Variants in IL18RAP observed in about 807,000 individuals in gnomAD.
IL18RAP encodes interleukin-18 receptor accessory protein.
IL18RAP carries 37 observed loss-of-function variants against 58.1 expected under a neutral mutation model. The ratio of observed to expected loss-of-function variants is 0.64; its 90% CI spans 0.49 to 0.84. The LOEUF is 0.84. Ranked by LOEUF, IL18RAP falls within the 40% of genes least tolerant of loss-of-function variation. The pLI, the probability that IL18RAP is intolerant of heterozygous loss-of-function variation, is 0.00. For synonymous variants in IL18RAP, 268 were observed against 257.5 expected (o/e 1.04, Z -0.39); for missense variants, 667 against 704.8 (o/e 0.95, Z 0.61).
In IL18RAP at chr2:102,423,353, G is replaced by T. The variant is rs764351707; in HGVS notation, c.70+6G>T. 6.2e-7 allele frequency: 1 copy of T among 1,612,738 alleles called. No homozygotes were observed. The highest frequency in any genetic ancestry group is 8.5e-7 in the Non-Finnish European group (1 of 1,178,792). On this transcript the variant is annotated splice_donor_region_variant and intron_variant, in intron 1 of 9. Transcript: ENST00000687160. ...TAAAGGATTTAATATTTCAGGTAGGGGTTTTCACTTTTCATGTTAGCACTG... is the reference window on the plus strand; with the variant it reads ...TAAAGGATTTAATATTTCAGGTAGGTGTTTTCACTTTTCATGTTAGCACTG...
upstream of IL18RAP, among the ~76,000 whole-genome samples, chr2:102,420,179 T>C (rs1482060107): frequency 2.0e-5 from 3 of 152,192 alleles, no homozygotes. Flanking sequence ...GTCAGTTGCC[T>C]ACAATGCTGG....
chr2:102,437,762 T>C (rs936913258), intron 4 of IL18RAP, among the ~76,000 whole-genome samples: 1 of 152,180 alleles, frequency 6.6e-6, no homozygotes, highest in Non-Finnish European at 1.5e-5. Flanking sequence ...CAACTTGAGG[T>C]CTATGACCCC....
At chr2:102,440,122 T>C (rs1313549016) in intron 4 of IL18RAP, 1 of 152,166 alleles carries the variant, frequency 6.6e-6, no homozygotes, top group Non-Finnish European at 1.5e-5. Flanking sequence ...AGACCTTTCA[T>C]AGGGAAGAGG....
chr2:102,448,577 G>A (rs1217286578), intron 8 of IL18RAP, among the ~76,000 whole-genome samples: 1 of 152,140 alleles, frequency 6.6e-6, no homozygotes, highest in Admixed American at 6.5e-5. Context: ...TTACCTTACT[G>A]AGAGGCCCCT....
In IL18RAP at chr2:102,430,264, T is replaced by C. The variant is rs139676477; in HGVS notation, c.579+5850T>C. On this transcript the variant is annotated intron_variant, in intron 3 of 9. Transcript: ENST00000687160. ...ATGTTGGGTGCCTATGTATCTACAA[T>C]TGTTATATCCTCTTAGTGAATGGAC... Among the ~76,000 whole-genome samples the C allele has an allele frequency of 2.0e-3, 312 of 152,196 alleles. 2 individuals carry two copies. Among genetic ancestry groups the C allele is most frequent in the African/African-American group, 7.1e-3 (296 of 41,576 alleles).
chr2:102,449,110 A>G (rs1165101399), intron 8 of IL18RAP, among the ~76,000 whole-genome samples: 2 of 151,936 alleles, frequency 1.3e-5, no homozygotes, highest in African/African-American at 2.4e-5. Flanking sequence ...CTTACTAAAA[A>G]TACAAAATGT....
intron 4 of IL18RAP, chr2:102,439,422 G>A (rs886119297): frequency 6.6e-6 from 1 of 152,648 alleles, no homozygotes; most frequent in African/African-American, 2.4e-5. Flanking sequence ...AGGGAAAGCA[G>A]GAGCCATGGA....
At chr2:102,420,039 C>T (rs761445656), upstream of IL18RAP, among the ~76,000 whole-genome samples, 4 of 152,154 alleles carry the variant, frequency 2.6e-5, no homozygotes, top group Non-Finnish European at 4.4e-5. Flanking sequence ...ATTTTAGTGA[C>T]GGCAGCATGG....
intron 4 of IL18RAP, among the ~76,000 whole-genome samples, chr2:102,441,021 G>A (rs1232849796): frequency 2.6e-5 from 4 of 152,170 alleles, no homozygotes; most frequent in Admixed American, 2.6e-4. Context: ...GACAGGGATA[G>A]GAGCTCAGGT....
chr2:102,446,314 T>C (rs1683410582), intron 7 of IL18RAP, among the ~76,000 whole-genome samples: 1 of 152,020 alleles, frequency 6.6e-6, no homozygotes, highest in African/African-American at 2.4e-5. Flanking sequence ...TTTTAATAGG[T>C]TTTGGGGGTA....
At chr2:102,421,494 G>A (rs536551869), upstream of IL18RAP, among the ~76,000 whole-genome samples, 40 of 152,278 alleles carry the variant, frequency 2.6e-4, no homozygotes, top group Non-Finnish European at 4.4e-4. Flanking sequence ...TGGAGTTGGA[G>A]GACTGTTCTT....
upstream of IL18RAP, among the ~76,000 whole-genome samples, chr2:102,422,481 C>T (rs1408339102): frequency 6.6e-6 from 1 of 152,204 alleles, no homozygotes; most frequent in Non-Finnish European, 1.5e-5. Flanking sequence ...AGACCCTGCT[C>T]TGAGCCATAT....
chr2:102,421,062 C>A (rs1489339874), upstream of IL18RAP, among the ~76,000 whole-genome samples: 1 of 152,162 alleles, frequency 6.6e-6, no homozygotes, highest in Admixed American at 6.6e-5. Flanking sequence ...ATGGTTAAAT[C>A]CTGAACAAGT....
chr2:102,448,979 A>G (rs1202751215), intron 8 of IL18RAP, among the ~76,000 whole-genome samples: 2 of 148,838 alleles, frequency 1.3e-5, no homozygotes, highest in Middle Eastern at 6.7e-3. Flanking sequence ...AAAAAAAAAA[A>G]AAAAAGTGAC....
At chr2:102,422,716 G>A (rs1343949994), upstream of IL18RAP, among the ~76,000 whole-genome samples, 3 of 152,172 alleles carry the variant, frequency 2.0e-5, no homozygotes, top group Admixed American at 6.5e-5. Context: ...GTGGGGCAGG[G>A]AGAGGTAGGT....
intron 8 of IL18RAP, 63 bp from the exon 9 acceptor site, chr2:102,450,785 G>T: frequency 1.9e-6 from 2 of 1,038,310 alleles, no homozygotes; most frequent in South Asian, 3.6e-5. Context: ...ATATGTATGT[G>T]TACCATAACA....
Position 102,447,161 on chromosome 2 carries a change from A to C in IL18RAP, c.1164A>C (p.Ile388=). ...TCCTCTACAGGCACTGGATTGAAAT[A>C]GTGCTGCTGTACCGGACCTACCAGA... is the stretch of plus-strand genomic sequence containing the variant. ...SALLYRHWIE[I]VLLYRTYQSK... The change falls in exon 8 of 10, where the codon ATA becomes ATC. Residue 388 remains isoleucine, a synonymous_variant. Transcript: ENST00000687160. The C allele has an allele frequency of 6.2e-7, 1 of 1,614,176 alleles. No individual in the cohort carries two copies. Among genetic ancestry groups the C allele is most frequent in the Middle Eastern group, 1.6e-4 (1 of 6,062 alleles).
chr2:102,427,920 G>A (rs1037514008), intron 3 of IL18RAP, among the ~76,000 whole-genome samples: 34 of 150,284 alleles, frequency 2.3e-4, no homozygotes, highest in South Asian at 6.3e-4. Flanking sequence ...GTAGATAGCC[G>A]GTTTTCCTAA....
intron 3 of IL18RAP, among the ~76,000 whole-genome samples, chr2:102,432,553 A>C (rs1459114872): frequency 6.6e-6 from 1 of 152,128 alleles, no homozygotes; most frequent in African/African-American, 2.4e-5. Context: ...GCAATTTGGG[A>C]TGGGCAGGGG....
Sources: gnomAD v4.1 joint callset for allele counts (sites outside exome capture counted in the v4.1 genomes callset) on GRCh38, gnomAD v4.1.1 for gene constraint, MANE v1.5 for transcripts, NCBI Gene and HGNC (gene_info 2026-07-23, HGNC 2026-07-21) for gene names.